Variants in DAB1 observed in about 807,000 individuals in gnomAD.
DAB1 encodes DAB adaptor protein 1.
A neutral mutation model predicts 64.6 loss-of-function variants in DAB1; 15 were observed. The observed-to-expected ratio is 0.23, with a 90% CI of 0.16 to 0.36. The LOEUF (loss-of-function observed/expected upper bound fraction) is 0.36, where lower values mean the gene tolerates loss of function less well. Ranked by LOEUF, DAB1 falls within the 10% of genes least tolerant of loss-of-function variation. The pLI, the probability that DAB1 is intolerant of heterozygous loss-of-function variation, is 1.00. For missense variants in DAB1, 596 were observed against 706.7 expected (o/e 0.84, Z 1.78); for synonymous variants, 235 against 251.9 (o/e 0.93, Z 0.64).
At chr1:58,431,165 TAAAAATGTACC>T (rs1425333371) in intron 3 of DAB1, among the ~76,000 whole-genome samples, 1 of 152,066 alleles carries the variant, frequency 6.6e-6, no homozygotes, top group Non-Finnish European at 1.5e-5. Context: ...ATGTGATTCC[TAAAAATGTACC>T]AAAAATGGCT....
intron 7 of DAB1, among the ~76,000 whole-genome samples, chr1:57,616,144 G>A (rs1318447510): frequency 3.3e-5 from 5 of 151,810 alleles, no homozygotes; most frequent in East Asian, 1.9e-4. Context: ...TGGACACCCC[G>A]ACATTTCCTT....
At chr1:57,246,688 C>A (rs1374529190) in intron 2 of DAB1, among the ~76,000 whole-genome samples, 1 of 152,214 alleles carries the variant, frequency 6.6e-6, no homozygotes, top group Non-Finnish European at 1.5e-5. Context: ...CTGGAAAAGC[C>A]ACAGGCACTG....
Position 57,805,659 on chromosome 1 carries a change from T to A in DAB1, n.551+78340A>T, listed in dbSNP as rs539435694. Among the ~76,000 whole-genome samples the A allele has an allele frequency of 2.6e-5, 4 of 152,282 alleles. No homozygotes were observed. The East Asian group carries it at 5.8e-4, about 22-fold the overall frequency. ...AAATATAGACTTGCACATCTAGGTGTCCTGACATCACCATTTGGATATCCA... is the reference window on the plus strand; with the variant it reads ...AAATATAGACTTGCACATCTAGGTGACCTGACATCACCATTTGGATATCCA... On this transcript the variant is annotated intron_variant and non_coding_transcript_variant, in intron 6 of 20. Coordinates refer to the DAB1 transcript ENST00000485760.
At chr1:58,444,918 C>T (rs1471826426) in intron 3 of DAB1, among the ~76,000 whole-genome samples, 1 of 152,138 alleles carries the variant, frequency 6.6e-6, no homozygotes, top group East Asian at 1.9e-4. Context: ...ATGATATATA[C>T]ATACTATATA....
chr1:58,283,598 C>T (rs1409163504), intron 4 of DAB1, among the ~76,000 whole-genome samples: 2 of 152,210 alleles, frequency 1.3e-5, no homozygotes, highest in Non-Finnish European at 2.9e-5. Flanking sequence ...ACTGTGCAAA[C>T]TTGCGCGAGT....
chr1:57,222,512 T>C (rs916637074), intron 2 of DAB1, among the ~76,000 whole-genome samples: 8 of 151,998 alleles, frequency 5.3e-5, no homozygotes, highest in Non-Finnish European at 1.0e-4. Context: ...AGTTCAGAAG[T>C]AGATGAGCTG....
chr1:57,439,274 C>G (rs1180031238), intron 7 of DAB1, among the ~76,000 whole-genome samples: 3 of 152,064 alleles, frequency 2.0e-5, no homozygotes, highest in African/African-American at 7.2e-5. Flanking sequence ...AATCAAATCC[C>G]TATCACATCA....
chr1:57,016,535 G>A (rs1646437578), intron 11 of DAB1, among the ~76,000 whole-genome samples: 1 of 151,752 alleles, frequency 6.6e-6, no homozygotes, highest in South Asian at 2.1e-4. Flanking sequence ...AAGCAGCACT[G>A]AGCTATGATC....
chr1:58,403,345 ATAAT>A (rs1309884298), intron 3 of DAB1, among the ~76,000 whole-genome samples: 4 of 151,876 alleles, frequency 2.6e-5, no homozygotes, highest in Non-Finnish European at 4.4e-5. Context: ...AACTCTCTAG[ATAAT>A]TAAGACAATA....
intron 4 of DAB1, among the ~76,000 whole-genome samples, chr1:57,108,649 A>G (rs1655385316): frequency 6.6e-6 from 1 of 152,200 alleles, no homozygotes; most frequent in Non-Finnish European, 1.5e-5. Flanking sequence ...GAATATGAAT[A>G]TGAACTCCCT....
intron 7 of DAB1, among the ~76,000 whole-genome samples, chr1:57,607,098 A>AG (rs1645665954): frequency 6.6e-6 from 1 of 151,770 alleles, no homozygotes; most frequent in Non-Finnish European, 1.5e-5. Flanking sequence ...CTAATCCAAT[A>AG]TTTTTCATGA....
At chr1:58,512,781 A>G (rs185377990) in intron 2 of DAB1, among the ~76,000 whole-genome samples, 1 of 152,300 alleles carries the variant, frequency 6.6e-6, no homozygotes, top group East Asian at 1.9e-4. Context: ...TTCAATGGAT[A>G]TAAAGTCTCA....
chr1:57,454,936 T>G (rs371605086), intron 7 of DAB1, among the ~76,000 whole-genome samples: 1 of 152,098 alleles, frequency 6.6e-6, no homozygotes, highest in African/African-American at 2.4e-5. Context: ...ATTTCAATAT[T>G]GTGCTGTAAG....
intron 3 of DAB1, among the ~76,000 whole-genome samples, chr1:58,405,028 T>TCA: frequency 6.6e-6 from 1 of 152,234 alleles, no homozygotes; most frequent in Middle Eastern, 3.4e-3. Flanking sequence ...GAAGCACCAT[T>TCA]CACACACACC....
chr1:57,196,716 A>G, intron 2 of DAB1, among the ~76,000 whole-genome samples: 1 of 152,346 alleles, frequency 6.6e-6, no homozygotes, highest in East Asian at 1.9e-4. Context: ...ATAAATCAGA[A>G]ATTAAAAATA....
intron 5 of DAB1, among the ~76,000 whole-genome samples, chr1:58,003,259 ATTG>A (rs1646533308): frequency 6.6e-6 from 1 of 152,136 alleles, no homozygotes; most frequent in Non-Finnish European, 1.5e-5. Flanking sequence ...TATTGAGTGT[ATTG>A]TGCTCCTCTC....
At chr1:57,069,885 C>T (rs1381472137) in intron 7 of DAB1, among the ~76,000 whole-genome samples, 1 of 152,182 alleles carries the variant, frequency 6.6e-6, no homozygotes, top group African/African-American at 2.4e-5. Context: ...ACTCCTTTAT[C>T]CCATAAATAT....
chr1:57,553,717 C>T (rs1323179293), intron 7 of DAB1, among the ~76,000 whole-genome samples: 2 of 151,958 alleles, frequency 1.3e-5, no homozygotes, highest in Non-Finnish European at 2.9e-5. Flanking sequence ...TCAATAGGAG[C>T]GATGAGCCTA....
chr1:57,285,291 T>C (rs1243479389), intron 2 of DAB1, among the ~76,000 whole-genome samples: 3 of 152,104 alleles, frequency 2.0e-5, no homozygotes, highest in Non-Finnish European at 4.4e-5. Flanking sequence ...TTTTGAGTTT[T>C]GAGTTTTGCT....
Sources: allele counts gnomAD v4.1 joint callset (sites outside exome capture counted in the v4.1 genomes callset), GRCh38; gene constraint gnomAD v4.1.1; transcripts MANE v1.5; gene names NCBI Gene and HGNC (gene_info 2026-07-23, HGNC 2026-07-21).